The following DNAH8 variants were observed in gnomAD, a reference collection of about 807,000 sequenced individuals.
The protein encoded by DNAH8 is dynein axonemal heavy chain 8.
Under a neutral mutation model 562.1 loss-of-function variants are expected in DNAH8, and 382 were observed. The observed-to-expected ratio is 0.68, with a 90% CI of 0.63 to 0.74. The LOEUF (loss-of-function observed/expected upper bound fraction) is 0.74, where lower values mean the gene tolerates loss of function less well. DNAH8 is among the 30% of genes least tolerant of loss of function. The pLI is 0.00. For missense variants in DNAH8, 5,203 were observed against 5,620.4 expected (o/e 0.93, Z 2.37); for synonymous variants, 1,881 against 1,919.4 (o/e 0.98, Z 0.52).
chr6:38,722,928 A>G lies in DNAH8; in HGVS notation c.119A>G (p.Glu40Gly), dbSNP rs777064945. The stretch of plus-strand genomic sequence containing the variant: ...GAGGCCCCGCGCCCTCCGACAGTGG[A>G]GGCCCCGGCAGAAGATGGTTTCTCT... ...EEEAPRPPTV[E>G]APAEDGFSPS... The change falls in exon 2 of 93, where the codon GAG becomes GGG. Residue 40 changes from glutamate (E) to glycine (G), a missense_variant. This residue lies in a region of DNAH8 where 556 missense variants were observed against 496.9 expected (regional missense o/e 1.12). Coordinates refer to ENST00000327475, the MANE Select transcript of DNAH8 (RefSeq NM_001206927.2). The G allele has an allele frequency of 1.1e-5, 18 of 1,612,330 alleles. No individual in the cohort carries two copies. The highest frequency in any genetic ancestry group is 1.5e-5 in the Non-Finnish European group (18 of 1,179,638).
Position 38,990,041 on chromosome 6 carries a change from G to T in DNAH8, c.13083G>T (p.Pro4361=). The T allele has an allele frequency of 6.2e-7, 1 of 1,600,958 alleles. No individual in the cohort carries two copies. Among genetic ancestry groups the T allele is most frequent in the South Asian group, 1.1e-5 (1 of 90,302 alleles). The change falls in exon 88 of 93, where the codon CCG becomes CCT. Residue 4361 remains proline, a synonymous_variant. Transcript: ENST00000327475. ...GGTTCAGTGAGAAGATGTTTGAACC[G>T]TCATTCTGCTTTTATACTGGATATA... ...RVWFSEKMFE[P]SFCFYTGYKI... is the part of the protein sequence containing the mutation.
intron 91 of DNAH8, among the ~76,000 whole-genome samples, chr6:39,020,764 C>T (rs1374719768): frequency 1.3e-5 from 2 of 152,110 alleles, no homozygotes; most frequent in East Asian, 1.9e-4. Flanking sequence ...TGAGAACACG[C>T]GGTGTTTGGT....
At chr6:39,029,968 C>T (rs1767559108) in intron 92 of DNAH8, 137 bp from the exon 93 acceptor site, 1 of 679,640 alleles carries the variant, frequency 1.5e-6, no homozygotes, top group African/African-American at 1.8e-5. Flanking sequence ...ATGCAATGTA[C>T]CCGGTGGTGC....
chr6:38,815,283 G>A (rs558826087), intron 25 of DNAH8, among the ~76,000 whole-genome samples, 185 bp from the exon 26 acceptor site: 4 of 152,220 alleles, frequency 2.6e-5, no homozygotes, highest in East Asian at 1.9e-4. Context: ...AATCGATAGC[G>A]GGAAAACTTC....
intron 3 of DNAH8, among the ~76,000 whole-genome samples, chr6:38,724,109 C>T (rs891157252): frequency 6.6e-6 from 1 of 151,876 alleles, no homozygotes; most frequent in African/African-American, 2.4e-5. Context: ...TCCCGAGTAG[C>T]TGGGATTTCA....
chr6:39,009,513 C>T (rs10947771), intron 89 of DNAH8, among the ~76,000 whole-genome samples: 16,566 of 152,098 alleles, frequency 0.11, 1,076 homozygotes, highest in Admixed American at 0.2. Context: ...AATCTGAAGT[C>T]TTCTAAGAAC....
At chr6:38,821,109 C>G (rs1772790770) in intron 26 of DNAH8, among the ~76,000 whole-genome samples, 1 of 152,086 alleles carries the variant, frequency 6.6e-6, no homozygotes, top group Non-Finnish European at 1.5e-5. Flanking sequence ...AACCCTCACA[C>G]ACACAAAAAA....
intron 61 of DNAH8, among the ~76,000 whole-genome samples, 176 bp from the exon 62 acceptor site, chr6:38,899,600 G>T (rs1348455464): frequency 6.6e-6 from 1 of 152,196 alleles, no homozygotes; most frequent in Non-Finnish European, 1.5e-5. Context: ...GGAAAGATTC[G>T]AGCTGAACAA....
Position 38,804,788 on chromosome 6 carries a change from AG to A in DNAH8, c.3035-692del, listed in dbSNP as rs879818619. Among the ~76,000 whole-genome samples the A allele has an allele frequency of 1.2e-3, 136 of 110,902 alleles. 1 individual carries two copies. Among genetic ancestry groups the A allele is most frequent in the South Asian group, 2.3e-3 (7 of 3,054 alleles). 72.8% of individuals were successfully genotyped at this position (110,902 alleles called of 152,430 possible). A position where few individuals can be genotyped will look rare whatever the true frequency, so the allele number is the denominator to read the frequency against. On this transcript the variant is annotated intron_variant, in intron 22 of 92. Coordinates refer to ENST00000327475, the MANE Select transcript of DNAH8 (RefSeq NM_001206927.2). ...GAGAGAGAGAGAGAGAGAGAGAGAG[AG>A]AAAGAGAAAACTGTGCCTGGAACAG...
At chr6:38,797,737 C>T (rs76918768) in intron 21 of DNAH8, among the ~76,000 whole-genome samples, 93 of 152,302 alleles carry the variant, frequency 6.1e-4, no homozygotes, top group African/African-American at 2.0e-3. Context: ...ACTCTAGTAA[C>T]ATCTCCCCGC....
chr6:39,030,212 G>GCTCCACATCTTTGCCATTAA lies in DNAH8; in HGVS notation c.13951_13970dup (p.Ala4658SerfsTer28), dbSNP rs777218650. On this transcript the variant is annotated frameshift_variant, in exon 93 of 93. Transcript: ENST00000327475. LOFTEE classifies it high-confidence loss of function. ...AGGTACTCTTCACGCAGTTACCCGT[G>GCTCCACATCTTTGCCATTAA]CTCCACATCTTTGCCATTAACTCCA... The GCTCCACATCTTTGCCATTAA allele has an allele frequency of 6.2e-7, 1 of 1,614,136 alleles. No individual in the cohort carries two copies. The highest frequency in any genetic ancestry group is 8.5e-7 in the Non-Finnish European group (1 of 1,180,030).
At position 39,012,439 on chromosome 6, in the gene DNAH8, C is replaced by T. The variant is rs1029353186; in HGVS notation, c.13525-9C>T. 6.2e-7 allele frequency: 1 copy of T among 1,610,364 alleles called. No individual in the cohort carries two copies. On this transcript the variant is annotated splice_polypyrimidine_tract_variant and intron_variant, in intron 90 of 92. Transcript: ENST00000327475. Reference sequence around the variant, plus strand: ...TCTTATTCATGTGTTTTAACTTTTTCTTCTCCAGAATCTGAGAGATGCTCT... The same window carrying T: ...TCTTATTCATGTGTTTTAACTTTTTTTTCTCCAGAATCTGAGAGATGCTCT...
At chr6:39,028,541 G>A (rs992257642) in intron 92 of DNAH8, among the ~76,000 whole-genome samples, 7 of 152,102 alleles carry the variant, frequency 4.6e-5, no homozygotes, top group Non-Finnish European at 8.8e-5. Context: ...AGTCACATTG[G>A]ATTTAGGACC....
intron 85 of DNAH8, among the ~76,000 whole-genome samples, chr6:38,977,581 G>C (rs1311309142): frequency 6.6e-6 from 1 of 152,102 alleles, no homozygotes; most frequent in Non-Finnish European, 1.5e-5. Context: ...GTGCTTTCCT[G>C]GGTGGTGTAG....
chr6:38,990,625 C>G (rs1297147010), intron 88 of DNAH8, among the ~76,000 whole-genome samples: 1 of 152,220 alleles, frequency 6.6e-6, no homozygotes, highest in Non-Finnish European at 1.5e-5. Flanking sequence ...TGGCCCCTCT[C>G]CCTCACTTGC....
At chr6:38,783,236 T>C (rs1768822031) in intron 17 of DNAH8, 97 bp downstream of exon 17, 1 of 1,046,002 alleles carries the variant, frequency 9.6e-7, no homozygotes, top group African/African-American at 1.6e-5. Context: ...TTCCACATAA[T>C]CTTAGGATAG....
intron 66 of DNAH8, among the ~76,000 whole-genome samples, chr6:38,913,580 C>T (rs140894590): frequency 6.0e-4 from 91 of 152,262 alleles, no homozygotes; most frequent in Non-Finnish European, 9.6e-4. Context: ...CCAAACTAAT[C>T]TTATTCAATA....
intron 4 of DNAH8, among the ~76,000 whole-genome samples, chr6:38,731,724 G>A (rs1285926903): frequency 6.6e-6 from 1 of 152,134 alleles, no homozygotes; most frequent in African/African-American, 2.4e-5. Flanking sequence ...TGTTGCTGTT[G>A]TTTTTGTTGA....
In DNAH8 at chr6:38,883,040, A is replaced by G; in HGVS notation, c.7989A>G (p.Ala2663=). The change falls in exon 54 of 93, where the codon GCA becomes GCG. Residue 2663 remains alanine (A), a synonymous_variant. Transcript: ENST00000327475. ...IRTNFLIDTI[A]KQHKAVLLTG... is the part of the protein sequence containing the mutation. ...CAAATTTTTTGATAGACACCATTGC[A>G]AAACAACATAAAGTAAGTTTAATAG... 1 of 1,593,412 alleles carries G rather than the reference A, an allele frequency of 6.3e-7. No individual in the cohort carries two copies. Among genetic ancestry groups the G allele is most frequent in the South Asian group, 1.2e-5 (1 of 85,466 alleles).
Sources: allele counts gnomAD v4.1 joint callset (sites outside exome capture counted in the v4.1 genomes callset), GRCh38; gene constraint gnomAD v4.1.1; regional missense constraint gnomAD v4.1.1; transcripts MANE v1.5; gene names NCBI Gene and HGNC (gene_info 2026-07-23, HGNC 2026-07-21).